The following SUPT3H variants were observed in gnomAD, a reference collection of about 807,000 sequenced individuals.
SUPT3H encodes the protein SPT3 homolog, SAGA and STAGA complex component.
SUPT3H carries 44 observed loss-of-function variants against 44.3 expected under a neutral mutation model. The observed-to-expected ratio is 0.99, with a 90% CI of 0.78 to 1.28. The LOEUF (loss-of-function observed/expected upper bound fraction) is 1.28. Ranked by LOEUF, SUPT3H falls within the 50% of genes most tolerant of loss-of-function variation. The pLI, the probability that SUPT3H is intolerant of heterozygous loss-of-function variation, is 0.00. For synonymous variants in SUPT3H, 124 were observed against 125.6 expected (o/e 0.99, Z 0.09); for missense variants, 380 against 387.1 (o/e 0.98, Z 0.15).
intron 2 of SUPT3H, among the ~76,000 whole-genome samples, chr6:45,286,413 C>T (rs1779282266): frequency 6.6e-6 from 1 of 151,852 alleles, no homozygotes; most frequent in Admixed American, 6.6e-5. Context: ...AAAACAACCC[C>T]ATCAAAAAGT....
At chr6:44,811,846 T>C (rs1411117979) in intron 11 of SUPT3H, among the ~76,000 whole-genome samples, 1 of 152,134 alleles carries the variant, frequency 6.6e-6, no homozygotes, top group Non-Finnish European at 1.5e-5. Flanking sequence ...GTTTCTCACA[T>C]TGATGGGTTG....
At chr6:45,361,494 T>G (rs1222310092) in intron 2 of SUPT3H, 1 of 152,142 alleles carries the variant, frequency 6.6e-6, no homozygotes, top group East Asian at 1.9e-4. Flanking sequence ...CAAAGTGCAT[T>G]TAAATTAATT....
At chr6:44,839,987 A>G (rs1309842039) in intron 10 of SUPT3H, among the ~76,000 whole-genome samples, 1 of 152,234 alleles carries the variant, frequency 6.6e-6, no homozygotes, top group African/African-American at 2.4e-5. Flanking sequence ...GGCGTGAGCC[A>G]CCGCACCCAG....
At chr6:45,024,933 GT>G (rs1200452009) in intron 3 of SUPT3H, among the ~76,000 whole-genome samples, 1 of 152,150 alleles carries the variant, frequency 6.6e-6, no homozygotes, top group Middle Eastern at 3.2e-3. Flanking sequence ...AGGTTTTCTT[GT>G]GTTCTGAGGC....
intron 2 of SUPT3H, among the ~76,000 whole-genome samples, chr6:45,185,431 A>C (rs1814029247): frequency 6.6e-6 from 1 of 152,188 alleles, no homozygotes; most frequent in African/African-American, 2.4e-5. Context: ...CTGATTATGC[A>C]AAGGAGATTT....
At chr6:44,925,113 C>T (rs1365970155) in intron 10 of SUPT3H, among the ~76,000 whole-genome samples, 2 of 152,058 alleles carry the variant, frequency 1.3e-5, no homozygotes, top group Admixed American at 6.6e-5. Context: ...CCTATTAGTC[C>T]ATTATGAACA....
At chr6:45,285,647 T>A (rs1235176040) in intron 2 of SUPT3H, among the ~76,000 whole-genome samples, 1 of 152,056 alleles carries the variant, frequency 6.6e-6, no homozygotes, top group Non-Finnish European at 1.5e-5. Context: ...AGAATTAATA[T>A]CGTGAAAATG....
chr6:45,003,582 G>A (rs1024003369), intron 6 of SUPT3H, 71 bp downstream of exon 6: 27 of 1,527,538 alleles, frequency 1.8e-5, no homozygotes, highest in Non-Finnish European at 2.3e-5. Context: ...AAGAACATGA[G>A]AATAGGACCA....
intron 10 of SUPT3H, among the ~76,000 whole-genome samples, chr6:44,832,233 ATT>A (rs1399356316): frequency 6.6e-6 from 1 of 152,122 alleles, no homozygotes; most frequent in African/African-American, 2.4e-5. Context: ...TCAACTGTAA[ATT>A]TCTCTCTATT....
intron 3 of SUPT3H, among the ~76,000 whole-genome samples, chr6:45,102,395 G>A (rs150508322): frequency 4.6e-5 from 7 of 152,220 alleles, no homozygotes; most frequent in Admixed American, 6.5e-5. Flanking sequence ...GTGACCTCCT[G>A]TCTACAATAT....
intron 9 of SUPT3H, among the ~76,000 whole-genome samples, chr6:44,949,017 T>G (rs1773829566): frequency 6.6e-6 from 1 of 152,056 alleles, no homozygotes; most frequent in African/African-American, 2.4e-5. Context: ...ATAGACTGGA[T>G]TAAGAAAATG....
chr6:44,860,975 C>T (rs1774560883), intron 10 of SUPT3H, among the ~76,000 whole-genome samples: 1 of 151,988 alleles, frequency 6.6e-6, no homozygotes, highest in African/African-American at 2.4e-5. Context: ...GTACATTATA[C>T]TGCAGAAAAG....
intron 2 of SUPT3H, among the ~76,000 whole-genome samples, chr6:45,290,331 T>C (rs11964690): frequency 0.22 from 33,280 of 151,902 alleles, 4,463 homozygotes; most frequent in Non-Finnish European, 0.31. Flanking sequence ...ACCTTGGAGT[T>C]GGTCAATTTA....
At chr6:44,890,566 A>C (rs1763115939) in intron 10 of SUPT3H, among the ~76,000 whole-genome samples, 1 of 135,600 alleles carries the variant, frequency 7.4e-6, no homozygotes, top group South Asian at 2.6e-4. Context: ...CAATGAGAAC[A>C]CATGGACACA....
intron 2 of SUPT3H, among the ~76,000 whole-genome samples, chr6:45,324,663 G>T (rs996003308): frequency 2.0e-5 from 3 of 151,730 alleles, no homozygotes; most frequent in Non-Finnish European, 4.4e-5. Flanking sequence ...AGGAGAGATT[G>T]ACTTAGCATT....
At chr6:45,277,013 A>G (rs1374863451) in intron 2 of SUPT3H, among the ~76,000 whole-genome samples, 2 of 152,210 alleles carry the variant, frequency 1.3e-5, no homozygotes, top group African/African-American at 4.8e-5. Flanking sequence ...ATGATTTTAT[A>G]TTACATAAAA....
In SUPT3H at chr6:45,196,173, G is replaced by A. The variant is rs561374256; in HGVS notation, c.102-90167C>T. On this transcript the variant is annotated intron_variant, in intron 2 of 10. Transcript: ENST00000371459. ...ACAATATTCAATCATTTTAAAAGGG[G>A]GTAGGGGGCAGATATATTGCTTTAG... Among the ~76,000 whole-genome samples, 5 of 152,010 alleles carry A rather than the reference G, an allele frequency of 3.3e-5. No homozygotes were observed. The East Asian group carries it at 5.8e-4, about 18-fold the overall frequency.
intron 6 of SUPT3H, among the ~76,000 whole-genome samples, chr6:44,966,569 C>G (rs779306800): frequency 6.6e-6 from 1 of 151,812 alleles, no homozygotes; most frequent in Non-Finnish European, 1.5e-5. Context: ...AGAGGCAAAA[C>G]TAGAAGTAAA....
At chr6:45,003,245 G>A (rs1463732754) in intron 6 of SUPT3H, among the ~76,000 whole-genome samples, 2 of 152,086 alleles carry the variant, frequency 1.3e-5, no homozygotes, top group Non-Finnish European at 2.9e-5. Context: ...TGCAACTATA[G>A]CCAGAAGAAT....
Sources: allele counts gnomAD v4.1 joint callset (sites outside exome capture counted in the v4.1 genomes callset), GRCh38; gene constraint gnomAD v4.1.1; transcripts MANE v1.5; gene names NCBI Gene and HGNC (gene_info 2026-07-23, HGNC 2026-07-21).